Variants in CTDSPL observed in about 807,000 individuals in gnomAD.
The protein encoded by CTDSPL is CTD small phosphatase like, also known as CTD small phosphatase-like protein.
A neutral mutation model predicts 30.5 loss-of-function variants in CTDSPL; 8 were observed. The observed-to-expected ratio is 0.26, with a 90% CI of 0.15 to 0.47. CTDSPL has a LOEUF of 0.47. CTDSPL is among the 20% of genes least tolerant of loss of function. The pLI is 0.99. For synonymous variants in CTDSPL, 110 were observed against 137.9 expected (o/e 0.80, Z 1.42); for missense variants, 248 against 366.1 (o/e 0.68, Z 2.63).
At chr3:37,902,886 C>T (rs1698468005) in intron 1 of CTDSPL, among the ~76,000 whole-genome samples, 1 of 152,204 alleles carries the variant, frequency 6.6e-6, no homozygotes, top group African/African-American at 2.4e-5. Context: ...CTCTCCAATA[C>T]GTTACTCAGA....
chr3:37,965,300 C>G (rs1699287429), intron 4 of CTDSPL, among the ~76,000 whole-genome samples: 1 of 152,212 alleles, frequency 6.6e-6, no homozygotes, highest in Non-Finnish European at 1.5e-5. Context: ...CTTCCTGTCA[C>G]CTTCCCTGAT....
Position 37,975,210 on chromosome 3 carries a change from C to T in CTDSPL, c.520-499C>T, listed in dbSNP as rs1169273346. Among the ~76,000 whole-genome samples the T allele has an allele frequency of 2.6e-5, 4 of 152,190 alleles. No individual in the cohort carries two copies. The highest frequency in any genetic ancestry group is 4.4e-5 in the Non-Finnish European group (3 of 68,028). On this transcript the variant is annotated intron_variant, in intron 6 of 7. Transcript: ENST00000273179. The surrounding 1 kb of genome is among the most constrained non-coding windows in gnomAD (Gnocchi z 4.9). ...GGCTCCAGGGGCTCCAGATGGAGCTCATTCAGCTGTGCCATGTGGGACGCA... is the reference window on the plus strand; with the variant it reads ...GGCTCCAGGGGCTCCAGATGGAGCTTATTCAGCTGTGCCATGTGGGACGCA...
At chr3:37,949,030 C>T (rs568505754) in intron 2 of CTDSPL, among the ~76,000 whole-genome samples, 84 of 151,520 alleles carry the variant, frequency 5.5e-4, no homozygotes, top group African/African-American at 1.9e-3. Context: ...CCTTGTTAGC[C>T]AGGATGGTCT....
At chr3:37,899,036 A>C (rs1698419837) in intron 1 of CTDSPL, among the ~76,000 whole-genome samples, 1 of 152,226 alleles carries the variant, frequency 6.6e-6, no homozygotes, top group South Asian at 2.1e-4. Context: ...TGGAAAAGTA[A>C]GCAGGATCAG....
At chr3:37,892,083 T>C (rs1358911732) in intron 1 of CTDSPL, among the ~76,000 whole-genome samples, 1 of 152,216 alleles carries the variant, frequency 6.6e-6, no homozygotes, top group Non-Finnish European at 1.5e-5. Context: ...TGGATGCACC[T>C]TAATTCATCT....
At chr3:37,909,518 G>A (rs1014295442) in intron 1 of CTDSPL, among the ~76,000 whole-genome samples, 3 of 152,202 alleles carry the variant, frequency 2.0e-5, no homozygotes, top group Non-Finnish European at 4.4e-5. Flanking sequence ...GGAGGCCCAG[G>A]GACATGGCAG....
intron 1 of CTDSPL, among the ~76,000 whole-genome samples, chr3:37,923,982 G>A (rs1698751002): frequency 6.6e-6 from 1 of 152,160 alleles, no homozygotes; most frequent in Non-Finnish European, 1.5e-5. Context: ...CCTGTTTGAA[G>A]CAGAATGTTG....
At chr3:37,950,006 A>C (rs1234038483) in intron 2 of CTDSPL, among the ~76,000 whole-genome samples, 1 of 152,260 alleles carries the variant, frequency 6.6e-6, no homozygotes, top group African/African-American at 2.4e-5. Context: ...CATGAGGTCA[A>C]CTAGCCAGAA....
chr3:37,880,857 A>T (rs1315082304), intron 1 of CTDSPL, among the ~76,000 whole-genome samples: 1 of 152,164 alleles, frequency 6.6e-6, no homozygotes, highest in African/African-American at 2.4e-5. Context: ...CACTTAAACT[A>T]CTTTAGATAG....
chr3:37,981,878 C>T lies in CTDSPL; in HGVS notation c.*1011C>T, dbSNP rs1559651569. The T allele has an allele frequency of 2.2e-6, 1 of 457,300 alleles. No individual in the cohort carries two copies. Among genetic ancestry groups the T allele is most frequent in the Non-Finnish European group, 4.4e-6 (1 of 227,086 alleles). The allele number at this position is 457,300 out of a possible 1,614,324, so 28.3% of individuals were successfully genotyped here. Reference sequence around the variant, plus strand: ...TTTCCTTGCTGCTACCGCGCTGCCACCAAATGGAATTGACCAGCGGCTGTT... The same window carrying T: ...TTTCCTTGCTGCTACCGCGCTGCCATCAAATGGAATTGACCAGCGGCTGTT... On this transcript the variant is annotated 3_prime_UTR_variant, in exon 8 of 8. Transcript: ENST00000273179.
At position 37,862,022 on chromosome 3, in the gene CTDSPL, G is replaced by A. The variant is rs1697944865; in HGVS notation, c.-178G>A. On this transcript the variant is annotated 5_prime_UTR_variant, in exon 1 of 8. Transcript: ENST00000273179. The surrounding 1 kb of genome is among the most constrained non-coding windows in gnomAD (Gnocchi z 4.3). ...CTCGAGCCCAGCGGCGGCGGCGGCGGGAGCTGGGGCGCGGGCCCGGGCCGC... is the reference window on the plus strand; with the variant it reads ...CTCGAGCCCAGCGGCGGCGGCGGCGAGAGCTGGGGCGCGGGCCCGGGCCGC... The A allele has an allele frequency of 6.8e-6, 1 of 146,494 alleles. No individual in the cohort carries two copies. The highest frequency in any genetic ancestry group is 2.5e-5 in the African/African-American group (1 of 40,070). 9.1% of individuals were successfully genotyped at this position (146,494 alleles called of 1,614,324 possible). A position where few individuals can be genotyped will look rare whatever the true frequency, so the allele number is the denominator to read the frequency against.
chr3:37,908,674 G>A (rs1044893695), intron 1 of CTDSPL, among the ~76,000 whole-genome samples: 2 of 152,210 alleles, frequency 1.3e-5, no homozygotes, highest in African/African-American at 2.4e-5. Flanking sequence ...CTGGGTAAAG[G>A]AGTGTACAAA....
chr3:37,875,428 G>A (rs771830292), intron 1 of CTDSPL, among the ~76,000 whole-genome samples: 2 of 152,208 alleles, frequency 1.3e-5, no homozygotes, highest in African/African-American at 4.8e-5. Flanking sequence ...TTGAAGAGAA[G>A]CAGCTTAATA....
chr3:37,980,599 CAAACAA>C, intron 7 of CTDSPL, 137 bp from the exon 8 acceptor site: 1 of 1,194,068 alleles, frequency 8.4e-7, no homozygotes, highest in Non-Finnish European at 1.1e-6. Flanking sequence ...AACAAGGGAA[CAAACAA>C]AATCATGATG....
intron 2 of CTDSPL, among the ~76,000 whole-genome samples, chr3:37,947,814 G>C (rs1358967296): frequency 6.6e-6 from 1 of 152,190 alleles, no homozygotes; most frequent in African/African-American, 2.4e-5. Context: ...AACAGACATA[G>C]AGAAGAGCTA....
chr3:37,891,212 C>T (rs1698321436), intron 1 of CTDSPL, among the ~76,000 whole-genome samples: 1 of 152,140 alleles, frequency 6.6e-6, no homozygotes, highest in East Asian at 1.9e-4. Context: ...GTGACCTTTC[C>T]ATACATCACC....
chr3:37,968,956 G>GGAGGATGTTCTCC (rs1269003738), intron 5 of CTDSPL, among the ~76,000 whole-genome samples: 1 of 152,198 alleles, frequency 6.6e-6, no homozygotes, highest in Admixed American at 6.5e-5. Flanking sequence ...AGGACATCCT[G>GGAGGATGTTCTCC]CCAGGAAACA....
chr3:37,886,848 T>G (rs1698268823), intron 1 of CTDSPL, among the ~76,000 whole-genome samples: 1 of 152,150 alleles, frequency 6.6e-6, no homozygotes, highest in African/African-American at 2.4e-5. Flanking sequence ...AGGGGGAAAC[T>G]CTGATGTGGT....
At chr3:37,873,356 A>G (rs921140755) in intron 1 of CTDSPL, among the ~76,000 whole-genome samples, 1 of 152,150 alleles carries the variant, frequency 6.6e-6, no homozygotes, top group Admixed American at 6.5e-5. Context: ...TACAGAGAGT[A>G]GGCTTTTATT....
Sources: allele counts gnomAD v4.1 joint callset (sites outside exome capture counted in the v4.1 genomes callset), GRCh38; gene constraint gnomAD v4.1.1; non-coding constraint Gnocchi (gnomAD v3.1); transcripts MANE v1.5; gene names NCBI Gene and HGNC (gene_info 2026-07-23, HGNC 2026-07-21).